Variants in DLC1 observed in about 807,000 individuals in gnomAD.
DLC1 encodes DLC1 Rho GTPase activating protein.
In DLC1, 54 loss-of-function variants were observed where a neutral mutation model predicts 140.3. The ratio of observed to expected loss-of-function variants is 0.38; its 90% CI spans 0.31 to 0.48. The LOEUF (loss-of-function observed/expected upper bound fraction) is 0.48. Among genes scored for constraint, DLC1 ranks in the 20% least tolerant of loss-of-function variants. DLC1 has a pLI of 0.96. For synonymous variants in DLC1, 986 were observed against 728.1 expected (o/e 1.35, Z -5.70); for missense variants, 2,536 against 1,907.0 (o/e 1.33, Z -6.14).
At chr8:13,171,831 C>T (rs1021800325) in intron 5 of DLC1, among the ~76,000 whole-genome samples, 1 of 152,066 alleles carries the variant, frequency 6.6e-6, no homozygotes, top group African/African-American at 2.4e-5. Flanking sequence ...GTCAGTGTTT[C>T]CAGTGTAGGC....
intron 6 of DLC1, among the ~76,000 whole-genome samples, chr8:13,111,706 A>G (rs566313339): frequency 2.0e-5 from 3 of 152,256 alleles, no homozygotes; most frequent in East Asian, 3.9e-4. Flanking sequence ...TGGAGTCCCA[A>G]CTATGAGGGC....
rs1801711850 is a variant in DLC1 at position 13,499,839 on chromosome 8, A to G, written c.233T>C (p.Met78Thr). 1.2e-6 allele frequency: 2 copies of G among 1,614,102 alleles called. No homozygotes were observed. Among genetic ancestry groups the G allele is most frequent in the Non-Finnish European group, 1.7e-6 (2 of 1,180,014 alleles). ...SELRDFPGRP[M>T]GHLSKDVDEN... is the part of the protein sequence containing the mutation. ...GTCCACATCCTTTGAAAGATGACCC[A>G]TTGGCCTCCCAGGAAAATCTCTCAG... Residue 78 changes from methionine (M) to threonine (T), a missense_variant, in exon 2 of 18, where the codon ATG becomes ACG. Met to Thr is a moderately conservative substitution (Grantham distance 81). Transcript: ENST00000276297.
At chr8:13,359,773 A>G (rs772628730) in intron 4 of DLC1, among the ~76,000 whole-genome samples, 5 of 152,240 alleles carry the variant, frequency 3.3e-5, no homozygotes, top group Non-Finnish European at 7.3e-5. Flanking sequence ...CCATACTATG[A>G]TTTCACCAGA....
At position 13,407,647 on chromosome 8, in the gene DLC1, A is replaced by G. The variant is rs181600068; in HGVS notation, c.1024-6028T>C. Among the ~76,000 whole-genome samples the G allele has an allele frequency of 1.1e-3, 166 of 152,308 alleles. 1 individual carries two copies. The highest frequency in any genetic ancestry group is 9.8e-4 in the Non-Finnish European group (67 of 68,026). ...CATTGCTTGAACGCTTTGCTTGTCA[A>G]TGAACGGTGGCATCACATAGTCATG... On this transcript the variant is annotated intron_variant, in intron 2 of 17. Coordinates refer to ENST00000276297, the MANE Select transcript of DLC1 (RefSeq NM_182643.3).
At chr8:13,178,171 T>C (rs533596449) in intron 5 of DLC1, among the ~76,000 whole-genome samples, 15 of 152,126 alleles carry the variant, frequency 9.9e-5, no homozygotes, top group African/African-American at 3.6e-4. Context: ...AAGTAAACAA[T>C]ATACCTTTTA....
intron 5 of DLC1, among the ~76,000 whole-genome samples, chr8:13,237,195 A>G (rs1039131718): frequency 1.1e-4 from 11 of 102,878 alleles, no homozygotes; most frequent in South Asian, 6.4e-4. Context: ...ATATATATAT[A>G]TATGTGTGTG....
chr8:13,150,573 C>T (rs1278129569), intron 5 of DLC1, among the ~76,000 whole-genome samples: 2 of 152,200 alleles, frequency 1.3e-5, no homozygotes, highest in African/African-American at 4.8e-5. Flanking sequence ...CTTTAATATC[C>T]TCTTAGACAG....
At chr8:13,451,288 G>A (rs945631914) in intron 2 of DLC1, among the ~76,000 whole-genome samples, 1 of 151,952 alleles carries the variant, frequency 6.6e-6, no homozygotes, top group African/African-American at 2.4e-5. Flanking sequence ...GAGATATTTT[G>A]GTACAGGCAT....
At chr8:13,178,132 A>G (rs957487086) in intron 5 of DLC1, among the ~76,000 whole-genome samples, 1 of 152,238 alleles carries the variant, frequency 6.6e-6, no homozygotes, top group Non-Finnish European at 1.5e-5. Context: ...AAAAAAATCA[A>G]TTCAATGAAT....
chr8:13,310,668 G>A (rs1344125614), intron 4 of DLC1, among the ~76,000 whole-genome samples: 2 of 152,218 alleles, frequency 1.3e-5, no homozygotes, highest in Admixed American at 6.5e-5. Context: ...TTGAAATCAC[G>A]CCATTCTGCA....
intron 5 of DLC1, among the ~76,000 whole-genome samples, chr8:13,248,147 A>G (rs931651201): frequency 6.6e-6 from 1 of 152,158 alleles, no homozygotes; most frequent in African/African-American, 2.4e-5. Flanking sequence ...CTTCCTTGTG[A>G]TGTTGTCCAG....
intron 4 of DLC1, among the ~76,000 whole-genome samples, chr8:13,379,672 A>G (rs1421538650): frequency 6.6e-6 from 1 of 152,164 alleles, no homozygotes; most frequent in Non-Finnish European, 1.5e-5. Flanking sequence ...GTTCTGGGGT[A>G]CATGTGCAGA....
chr8:13,506,054 T>A (rs1269049713), intron 1 of DLC1, among the ~76,000 whole-genome samples: 1 of 144,008 alleles, frequency 6.9e-6, no homozygotes, highest in Non-Finnish European at 1.6e-5. Flanking sequence ...GATACATATA[T>A]GTGTGTGTGT....
At chr8:13,300,431 C>G (rs957779886) in intron 5 of DLC1, among the ~76,000 whole-genome samples, 1 of 152,156 alleles carries the variant, frequency 6.6e-6, no homozygotes, top group Admixed American at 6.5e-5. Context: ...TATCGCAGAA[C>G]ATCATAAAAT....
At chr8:13,351,100 T>C (rs1834639922) in intron 4 of DLC1, among the ~76,000 whole-genome samples, 1 of 152,222 alleles carries the variant, frequency 6.6e-6, no homozygotes, top group South Asian at 2.1e-4. Flanking sequence ...TTTTCTTCCA[T>C]GGTTTGTAAA....
chr8:13,435,428 C>G (rs535560019), intron 2 of DLC1, among the ~76,000 whole-genome samples: 1 of 152,320 alleles, frequency 6.6e-6, no homozygotes, highest in African/African-American at 2.4e-5. Flanking sequence ...ATTCTCCTGC[C>G]TCAGCCTCCC....
intron 4 of DLC1, among the ~76,000 whole-genome samples, chr8:13,348,163 A>T (rs1330217477): frequency 6.6e-6 from 1 of 152,154 alleles, no homozygotes; most frequent in Non-Finnish European, 1.5e-5. Flanking sequence ...AGGGGATTTT[A>T]TCATCTTGTG....
intron 1 of DLC1, among the ~76,000 whole-genome samples, chr8:13,528,310 C>A (rs1239356111): frequency 6.6e-6 from 1 of 151,940 alleles, no homozygotes. Flanking sequence ...TTTCAATGAC[C>A]AGGTTTTCAT....
At chr8:13,192,772 C>T (rs1826836009) in intron 5 of DLC1, among the ~76,000 whole-genome samples, 1 of 152,146 alleles carries the variant, frequency 6.6e-6, no homozygotes, top group Non-Finnish European at 1.5e-5. Flanking sequence ...GAGGAAGAGA[C>T]ACCAACGGTG....
Sources: allele counts gnomAD v4.1 joint callset (sites outside exome capture counted in the v4.1 genomes callset), GRCh38; gene constraint gnomAD v4.1.1; transcripts MANE v1.5; gene names NCBI Gene and HGNC (gene_info 2026-07-23, HGNC 2026-07-21).